NUP210: variants seen among roughly 807,000 people sequenced by gnomAD.
NUP210 encodes the protein nuclear pore membrane glycoprotein 210.
Under a neutral mutation model 196.0 loss-of-function variants are expected in NUP210, and 151 were observed. The observed-to-expected ratio is 0.77, with a 90% confidence interval of 0.67 to 0.88. The LOEUF is 0.88. NUP210 is among the 40% of genes least tolerant of loss of function. The pLI, the probability that NUP210 is intolerant of heterozygous loss-of-function variation, is 0.00. For missense variants in NUP210, 2,314 were observed against 2,493.7 expected, an observed-to-expected ratio of 0.93 and a Z score of 1.53; for synonymous variants, 1,070 against 1,052.7, an observed-to-expected ratio of 1.02 and a Z score of -0.32.
At chr3:13,366,169 C>G in intron 13 of NUP210, 78 bp from the exon 14 acceptor site, 3 of 1,433,728 alleles carry the variant, frequency 2.1e-6, no homozygotes, top group Non-Finnish European at 2.8e-6. Flanking sequence ...CGCTGTGTTG[C>G]CCAGGCTGGA....
chr3:13,375,736 G>T, intron 10 of NUP210, 95 bp from the exon 11 acceptor site: 1 of 1,366,016 alleles, frequency 7.3e-7, no homozygotes, highest in Non-Finnish European at 1.0e-6. Flanking sequence ...TGGGGATCGG[G>T]TCACAAAGGT....
Position 13,322,258 on chromosome 3 carries a change from G to A in NUP210, c.4850C>T (p.Pro1617Leu), listed in dbSNP as rs779161656. 21 of 1,614,092 alleles carry A rather than the reference G, an allele frequency of 1.3e-5. No homozygotes were observed. Among genetic ancestry groups the A allele is most frequent in the South Asian group, 8.8e-5 (8 of 91,078 alleles). The part of the protein sequence containing the change: ...TLISCQSQFK[P>L]AVFDFPSQDV... ...TTGAGATGGGAAATCAAAGACGGCC[G>A]GCTTGAACTGGGACTGGCAGCTGAT... Residue 1617 changes from proline (P) to leucine (L), a missense_variant, in exon 35 of 40, where the codon CCG (proline) becomes CTG (leucine). Pro to Leu is a moderately conservative substitution (Grantham distance 98). Coordinates refer to ENST00000254508, the MANE Select transcript of NUP210 (RefSeq NM_024923.4).
intron 5 of NUP210, among the ~76,000 whole-genome samples, chr3:13,387,980 C>A (rs987445666): frequency 2.0e-5 from 3 of 152,096 alleles, no homozygotes; most frequent in African/African-American, 7.2e-5. Flanking sequence ...TGTCCCTATA[C>A]CAGCACGGTG....
chr3:13,384,694 C>T (rs148705692), intron 6 of NUP210, among the ~76,000 whole-genome samples: 24 of 152,338 alleles, frequency 1.6e-4, no homozygotes, highest in Non-Finnish European at 2.9e-4. Context: ...TCCTTCAGGC[C>T]GCAGTGCCAT....
chr3:13,325,337 T>C (rs906772165), intron 33 of NUP210, among the ~76,000 whole-genome samples: 2 of 152,264 alleles, frequency 1.3e-5, no homozygotes, highest in Non-Finnish European at 1.5e-5. Context: ...ATGCTGCCTC[T>C]AAAAATGAGA....
Position 13,323,028 on chromosome 3 carries a change from C to T in NUP210, c.4768+281G>A, listed in dbSNP as rs542438468. Among the ~76,000 whole-genome samples the T allele has an allele frequency of 2.0e-4, 30 of 152,290 alleles. No individual in the cohort carries two copies. Among genetic ancestry groups the T allele is most frequent in the African/African-American group, 7.2e-4 (30 of 41,574 alleles). On this transcript the variant is annotated intron_variant, in intron 34 of 39. Coordinates refer to ENST00000254508, the MANE Select transcript of NUP210 (RefSeq NM_024923.4). This position sits in a 1 kb window ranked among gnomAD's most constrained non-coding sequence, Gnocchi z 4.3. ...ATTCACGGTGGGAAATTGTGGCTTT[C>T]TTTGCTAGGGTGCCCTCGGGCTGAA... is the stretch of plus-strand genomic sequence containing the variant.
Position 13,372,021 on chromosome 3 carries a change from G to A in NUP210, c.1599C>T (p.Ile533=), listed in dbSNP as rs779348936. 13 of 1,579,472 alleles carry A rather than the reference G, an allele frequency of 8.2e-6. No individual in the cohort carries two copies. Among genetic ancestry groups the A allele is most frequent in the Middle Eastern group, 1.7e-4 (1 of 5,814 alleles). ...LHFGEMKVYV[I]EPHSMEFAPC... is the part of the protein sequence containing the mutation. ...GGGCAAACTCCATGCTGTGGGGCTC[G>A]ATCACATACACCTGGAAGACAGGGG... is the stretch of plus-strand genomic sequence containing the variant. The change falls in exon 13 of 40, where the codon ATC becomes ATT. Residue 533 remains isoleucine (I), a synonymous_variant. Coordinates refer to ENST00000254508, the MANE Select transcript of NUP210 (RefSeq NM_024923.4).
At chr3:13,381,571 T>G (rs995118440) in intron 6 of NUP210, among the ~76,000 whole-genome samples, 7 of 152,018 alleles carry the variant, frequency 4.6e-5, no homozygotes, top group African/African-American at 1.7e-4. Context: ...CCACCATACC[T>G]GGCCTTAGAT....
Position 13,348,316 on chromosome 3 carries a change from G to T in NUP210, c.2835+3563C>A. ...GCTCACTACCTACAGCGGCAGCCTA[G>T]TCCATCACCGACCTCTAGGAACTCT... On this transcript the variant is annotated intron_variant, in intron 20 of 39. Coordinates refer to ENST00000254508, the MANE Select transcript of NUP210 (RefSeq NM_024923.4). The surrounding 1 kb of genome is among the most constrained non-coding windows in gnomAD (Gnocchi z 4.0). 1 of 927,814 alleles carries T rather than the reference G, an allele frequency of 1.1e-6. No homozygotes were observed. Among genetic ancestry groups the T allele is most frequent in the Non-Finnish European group, 1.3e-6 (1 of 777,422 alleles). The allele number at this position is 927,814 out of a possible 1,614,324, so 57.5% of individuals were successfully genotyped here.
chr3:13,346,263 A>G (rs1394034834), intron 20 of NUP210, among the ~76,000 whole-genome samples: 1 of 152,206 alleles, frequency 6.6e-6, no homozygotes, highest in Non-Finnish European at 1.5e-5. Context: ...GGCTTGGGTA[A>G]TGGAGGGCAC....
chr3:13,329,945 C>T (rs1395113695), intron 30 of NUP210, among the ~76,000 whole-genome samples: 1 of 152,226 alleles, frequency 6.6e-6, no homozygotes. Context: ...GAGCCTCAGT[C>T]TCCTTGTCTG....
intron 14 of NUP210, among the ~76,000 whole-genome samples, chr3:13,360,872 A>G (rs757945624): frequency 6.6e-6 from 1 of 152,200 alleles, no homozygotes; most frequent in African/African-American, 2.4e-5. Flanking sequence ...GATGTTCATC[A>G]CACTATTATT....
intron 27 of NUP210, 64 bp downstream of exon 27, chr3:13,336,723 G>T (rs1345236856): frequency 6.7e-5 from 104 of 1,552,758 alleles, no homozygotes; most frequent in Admixed American, 1.3e-4. Flanking sequence ...AACCCTCCCT[G>T]CCACTCGGGG....
At chr3:13,322,905 G>A (rs565788406) in intron 34 of NUP210, among the ~76,000 whole-genome samples, 4 of 152,330 alleles carry the variant, frequency 2.6e-5, no homozygotes, top group Admixed American at 1.3e-4. Context: ...GGCTGTCATG[G>A]GCAGGGGATG....
chr3:13,333,721 C>T (rs1419460511), intron 28 of NUP210, among the ~76,000 whole-genome samples: 1 of 152,192 alleles, frequency 6.6e-6, no homozygotes, highest in Non-Finnish European at 1.5e-5. Flanking sequence ...GGCATCCACA[C>T]GGAAGCCACC....
intron 6 of NUP210, among the ~76,000 whole-genome samples, chr3:13,385,724 C>G (rs1699249251): frequency 6.6e-6 from 1 of 152,236 alleles, no homozygotes; most frequent in Non-Finnish European, 1.5e-5. Context: ...TATTTGCTCA[C>G]TATGTTCACA....
chr3:13,330,687 C>A, intron 29 of NUP210, 53 bp from the exon 30 acceptor site: 2 of 1,527,346 alleles, frequency 1.3e-6, no homozygotes, highest in South Asian at 2.3e-5. Flanking sequence ...TGGGAGTGGG[C>A]CTGGATACAA....
chr3:13,418,100 T>A (rs887745306), intron 1 of NUP210, among the ~76,000 whole-genome samples: 1 of 152,002 alleles, frequency 6.6e-6, no homozygotes, highest in South Asian at 2.1e-4. Flanking sequence ...TGAGCATGTA[T>A]CCCCGCCACA....
rs1576370235 is a variant in NUP210 at position 13,348,714 on chromosome 3, C to T, written c.2835+3165G>A. 1 of 985,400 alleles carries T rather than the reference C, an allele frequency of 1.0e-6. No homozygotes were observed. Among genetic ancestry groups the T allele is most frequent in the East Asian group, 1.1e-4 (1 of 8,814 alleles). The allele number at this position is 985,400 out of a possible 1,614,324, so 61.0% of individuals were successfully genotyped here. A position where few individuals can be genotyped will look rare whatever the true frequency, so the allele number is the denominator to read the frequency against. On this transcript the variant is annotated intron_variant, in intron 20 of 39. Coordinates refer to ENST00000254508, the MANE Select transcript of NUP210 (RefSeq NM_024923.4). This position sits in a 1 kb window ranked among gnomAD's most constrained non-coding sequence, Gnocchi z 4.0. ...CCTCCAACCACAAGCATGTCCCCAG[C>T]TGCTGAGGGCGTCCTGCCATCCAAG... is the stretch of plus-strand genomic sequence containing the variant.
Sources: gnomAD v4.1 joint callset for allele counts (sites outside exome capture counted in the v4.1 genomes callset) on GRCh38, gnomAD v4.1.1 for gene constraint, Gnocchi (gnomAD v3.1) non-coding constraint, MANE v1.5 for transcripts, NCBI Gene and HGNC (gene_info 2026-07-23, HGNC 2026-07-21) for gene names.